NTNG1: variants seen among roughly 807,000 people sequenced by gnomAD.
The protein encoded by NTNG1 is netrin G1.
In NTNG1, 16 loss-of-function variants were observed where a neutral mutation model predicts 54.0. That is an observed-to-expected ratio of 0.30 (90% CI 0.20 to 0.45). The LOEUF (loss-of-function observed/expected upper bound fraction) is 0.45, where lower values mean the gene tolerates loss of function less well. Ranked by LOEUF, NTNG1 falls within the 20% of genes least tolerant of loss-of-function variation. The pLI, the probability that NTNG1 is intolerant of heterozygous loss-of-function variation, is 1.00. For synonymous variants in NTNG1, 255 were observed against 263.1 expected, an observed-to-expected ratio of 0.97 and a Z score of 0.30; for missense variants, 530 against 678.7, an observed-to-expected ratio of 0.78 and a Z score of 2.43.
chr1:107,243,810 T>C (rs1662003600), intron 2 of NTNG1, among the ~76,000 whole-genome samples: 1 of 152,110 alleles, frequency 6.6e-6, no homozygotes, highest in African/African-American at 2.4e-5. Flanking sequence ...TGCACTCGAA[T>C]CATTTTAATG....
chr1:107,266,158 T>C (rs1436268162), intron 2 of NTNG1, among the ~76,000 whole-genome samples: 1 of 152,188 alleles, frequency 6.6e-6, no homozygotes, highest in Non-Finnish European at 1.5e-5. Context: ...TATGTGGTAA[T>C]ATGAAATTGG....
intron 1 of NTNG1, among the ~76,000 whole-genome samples, chr1:107,141,941 G>T (rs1464368910): frequency 6.6e-6 from 1 of 152,174 alleles, no homozygotes; most frequent in African/African-American, 2.4e-5. Flanking sequence ...GGATCTGGTG[G>T]CCACATCGAG....
intron 3 of NTNG1, among the ~76,000 whole-genome samples, chr1:107,340,300 G>T (rs1668828859): frequency 6.6e-6 from 1 of 152,012 alleles, no homozygotes; most frequent in African/African-American, 2.4e-5. Context: ...AGTGGAGGTG[G>T]TTTCAGACAC....
intron 3 of NTNG1, among the ~76,000 whole-genome samples, chr1:107,331,676 T>A (rs993695274): frequency 6.6e-6 from 1 of 152,142 alleles, no homozygotes; most frequent in Non-Finnish European, 1.5e-5. Context: ...TGGATAAACT[T>A]GGAAATAGCC....
At chr1:107,378,245 A>G (rs1439114735) in intron 3 of NTNG1, among the ~76,000 whole-genome samples, 1 of 152,028 alleles carries the variant, frequency 6.6e-6, no homozygotes, top group Non-Finnish European at 1.5e-5. Flanking sequence ...CAGCAGAAGC[A>G]CTCCTTCTCC....
chr1:107,149,052 T>C (rs1654356609), intron 2 of NTNG1, among the ~76,000 whole-genome samples: 1 of 152,132 alleles, frequency 6.6e-6, no homozygotes. Context: ...AGGAACTTAC[T>C]TTCCGCTTCC....
chr1:107,386,532 C>T (rs1431668428), intron 3 of NTNG1, among the ~76,000 whole-genome samples: 1 of 152,088 alleles, frequency 6.6e-6, no homozygotes, highest in Admixed American at 6.6e-5. Context: ...CACAATGCTT[C>T]CAAGGTTAAT....
intron 7 of NTNG1, among the ~76,000 whole-genome samples, chr1:107,456,185 G>T (rs1676946867): frequency 6.6e-6 from 1 of 152,056 alleles, no homozygotes; most frequent in South Asian, 2.1e-4. Flanking sequence ...AATCACTTGG[G>T]GCTTTAAATT....
At position 107,413,504 on chromosome 1, in the gene NTNG1, A is replaced by G. The variant is rs17018946; in HGVS notation, c.1087+5796A>G. Among the ~76,000 whole-genome samples the G allele has an allele frequency of 0.014, 2,094 of 152,256 alleles. 96 individuals are homozygous for G. The East Asian group carries it at 0.17, about 13-fold the overall frequency. On this transcript the variant is annotated intron_variant, in intron 5 of 7. Transcript: ENST00000370068. ...TCCAGATTTCCTGAGGAATGACAGC[A>G]GTGACTGTATAAACCCAAAGGGACC...
chr1:107,447,194 T>A lies in NTNG1; in HGVS notation c.1390+10395T>A, dbSNP rs74715011. On this transcript the variant is annotated intron_variant, in intron 7 of 7. Coordinates refer to ENST00000370068, the MANE Select transcript of NTNG1 (RefSeq NM_001113226.3). The stretch of plus-strand genomic sequence containing the variant: ...TTTAAGACATACATTTAGGCCTCTT[T>A]TTAATTAGTATTGTTGACCCAATGG... Among the ~76,000 whole-genome samples the A allele has an allele frequency of 8.5e-4, 130 of 152,202 alleles. 2 individuals carry two copies. In the East Asian group the frequency reaches 0.022, roughly 26 times the overall value.
chr1:107,328,719 G>C (rs7531534), intron 3 of NTNG1, among the ~76,000 whole-genome samples: 73,599 of 151,994 alleles, frequency 0.48, 20,787 homozygotes, highest in Non-Finnish European at 0.62. Context: ...CAGCTGCATA[G>C]ATTTTATGAA....
At chr1:107,383,504 T>C (rs1238516539) in intron 3 of NTNG1, among the ~76,000 whole-genome samples, 2 of 152,214 alleles carry the variant, frequency 1.3e-5, no homozygotes, top group African/African-American at 2.4e-5. Context: ...AGATCTAATA[T>C]AGAAGTTGGT....
At chr1:107,182,493 G>C (rs774764675) in intron 2 of NTNG1, among the ~76,000 whole-genome samples, 6 of 151,954 alleles carry the variant, frequency 3.9e-5, no homozygotes, top group Non-Finnish European at 8.8e-5. Context: ...TATGTGTTGA[G>C]CTCTGTGCTG....
At chr1:107,338,969 G>T (rs1323162028) in intron 3 of NTNG1, among the ~76,000 whole-genome samples, 1 of 151,802 alleles carries the variant, frequency 6.6e-6, no homozygotes, top group Non-Finnish European at 1.5e-5. Flanking sequence ...AAAAAAGTAA[G>T]TGGCATTTTT....
intron 2 of NTNG1, among the ~76,000 whole-genome samples, chr1:107,295,901 C>T (rs12724781): frequency 0.2 from 30,917 of 152,026 alleles, 3,912 homozygotes; most frequent in Non-Finnish European, 0.28. Context: ...CTATAATTTA[C>T]TGCCATATTT....
chr1:107,304,898 C>A (rs1402395893), intron 2 of NTNG1, among the ~76,000 whole-genome samples: 1 of 152,092 alleles, frequency 6.6e-6, no homozygotes, highest in Non-Finnish European at 1.5e-5. Context: ...CCTGCCACCC[C>A]CTGACAGGCC....
chr1:107,361,393 T>TATATATATATATATA (rs10637251), intron 3 of NTNG1, among the ~76,000 whole-genome samples: 1 of 26,846 alleles, frequency 3.7e-5, no homozygotes, highest in Non-Finnish European at 1.2e-4. Flanking sequence ...ATATATATAT[T>TATATATATATATATA]TTTTTTTTTT....
intron 2 of NTNG1, among the ~76,000 whole-genome samples, chr1:107,303,763 T>G (rs966284567): frequency 6.6e-6 from 1 of 152,160 alleles, no homozygotes; most frequent in Non-Finnish European, 1.5e-5. Flanking sequence ...CTCGGCTCAC[T>G]GCAACCTCCG....
At chr1:107,184,037 G>A (rs965178667) in intron 2 of NTNG1, among the ~76,000 whole-genome samples, 1 of 152,060 alleles carries the variant, frequency 6.6e-6, no homozygotes, top group Non-Finnish European at 1.5e-5. Context: ...CAGTACAATC[G>A]ATCTATCTAC....
Sources: gnomAD v4.1 joint callset for allele counts (sites outside exome capture counted in the v4.1 genomes callset) on GRCh38, gnomAD v4.1.1 for gene constraint, MANE v1.5 for transcripts, NCBI Gene and HGNC (gene_info 2026-07-23, HGNC 2026-07-21) for gene names.